The following JAKMIP2 variants were observed in gnomAD, a reference collection of about 807,000 sequenced individuals.
JAKMIP2 encodes the protein janus kinase and microtubule-interacting protein 2.
JAKMIP2 carries 25 observed loss-of-function variants against 115.0 expected under a neutral mutation model. The ratio of observed to expected loss-of-function variants is 0.22; its 90% confidence interval spans 0.16 to 0.30. JAKMIP2 has a LOEUF of 0.30. Ranked by LOEUF, JAKMIP2 falls within the 10% of genes least tolerant of loss-of-function variation. The pLI is 1.00. For missense variants in JAKMIP2, 642 were observed against 957.6 expected (o/e 0.67, Z 4.35); for synonymous variants, 334 against 343.6 (o/e 0.97, Z 0.31).
intron 1 of JAKMIP2, among the ~76,000 whole-genome samples, chr5:147,743,983 C>CCTCCCTTCT: frequency 6.9e-6 from 1 of 145,462 alleles, no homozygotes; most frequent in Admixed American, 6.9e-5. Context: ...CCCTCCCTTC[C>CCTCCCTTCT]TTCCTTCCTA....
At chr5:147,744,161 C>T (rs1411279554) in intron 1 of JAKMIP2, among the ~76,000 whole-genome samples, 2 of 151,978 alleles carry the variant, frequency 1.3e-5, no homozygotes, top group African/African-American at 4.8e-5. Flanking sequence ...GCAAATTGGC[C>T]TGTTTCCAAA....
At chr5:147,713,752 G>A (rs1752867113) in intron 1 of JAKMIP2, among the ~76,000 whole-genome samples, 1 of 152,164 alleles carries the variant, frequency 6.6e-6, no homozygotes, top group South Asian at 2.1e-4. Flanking sequence ...TGGCTAAGAG[G>A]CTGAACGGAG....
chr5:147,636,198 G>C (rs753384458), intron 12 of JAKMIP2, 24 bp downstream of exon 12: 5 of 1,598,480 alleles, frequency 3.1e-6, no homozygotes, highest in Middle Eastern at 1.7e-4. Context: ...CCTCTGCCCC[G>C]CTAGGGTGTT....
intron 9 of JAKMIP2, 137 bp from the exon 10 acceptor site, chr5:147,639,897 T>A: frequency 1.0e-6 from 1 of 967,294 alleles, no homozygotes; most frequent in South Asian, 1.7e-5. Flanking sequence ...TATTTTTAGC[T>A]CTGAAGTGTA....
intron 1 of JAKMIP2, among the ~76,000 whole-genome samples, chr5:147,714,165 G>T (rs779867240): frequency 6.6e-6 from 1 of 152,084 alleles, no homozygotes; most frequent in African/African-American, 2.4e-5. Context: ...AACACACAAA[G>T]ACTTCAAATA....
In JAKMIP2 at chr5:147,641,761, G is replaced by C; in HGVS notation, c.1228C>G (p.Arg410Gly). 1 of 1,612,214 alleles carries C rather than the reference G, an allele frequency of 6.2e-7. No individual in the cohort carries two copies. Among genetic ancestry groups the C allele is most frequent in the Non-Finnish European group, 8.5e-7 (1 of 1,178,666 alleles). ...TTTCTTCTACGGATGAGCTTTTCTC[G>C]GTCCTGGAAAACAGATGAAAGATTT... is the stretch of plus-strand genomic sequence containing the variant. ...QNIIDELTRDREKLIRRRKHR... is the reference protein window; with the variant it reads ...QNIIDELTRDGEKLIRRRKHR... The change falls in exon 8 of 22, where the codon CGA becomes GGA. Residue 410 changes from arginine (R) to glycine (G), a missense_variant. Physicochemically the swap from Arg to Gly is moderately radical, Grantham distance 125 (BLOSUM62 -2). Around this residue, in one of 6 missense-constraint regions of JAKMIP2, gnomAD observed 439 missense variants for 570.9 expected, o/e 0.77. Coordinates refer to ENST00000616793, the MANE Select transcript of JAKMIP2 (RefSeq NM_001270941.2).
intron 13 of JAKMIP2, 82 bp from the exon 14 acceptor site, chr5:147,631,593 T>C (rs1757352076): frequency 1.2e-6 from 1 of 819,700 alleles, no homozygotes; most frequent in Non-Finnish European, 1.9e-6. Context: ...CTTTATGCTA[T>C]TTCAGCAGTT....
intron 18 of JAKMIP2, among the ~76,000 whole-genome samples, chr5:147,618,748 CAACAAAAAACAAACA>C (rs1756708699): frequency 6.6e-6 from 1 of 151,954 alleles, no homozygotes; most frequent in African/African-American, 2.4e-5. Flanking sequence ...AAAACAACAG[CAACAAAAAACAAACA>C]AACAAAAAAC....
rs11167998 is a variant in JAKMIP2 at position 147,759,169 on chromosome 5, T to C, written c.-149+23287A>G. 8.0e-3 allele frequency among the ~76,000 whole-genome samples: 1,216 copies of C among 151,834 alleles called. 11 individuals carry two copies. The highest frequency in any genetic ancestry group is 0.027 in the African/African-American group (1,122 of 41,392). On this transcript the variant is annotated intron_variant, in intron 1 of 21. Transcript: ENST00000616793. Reference sequence around the variant, plus strand: ...ATACCAGAAGATGTTCTTATCAGTGTTATCTAATAATGAAAACAAAAGAAA... The same window carrying C: ...ATACCAGAAGATGTTCTTATCAGTGCTATCTAATAATGAAAACAAAAGAAA...
intron 1 of JAKMIP2, among the ~76,000 whole-genome samples, chr5:147,719,661 G>A (rs1753176758): frequency 6.6e-6 from 1 of 151,338 alleles, no homozygotes; most frequent in Non-Finnish European, 1.5e-5. Flanking sequence ...TCAGAGACTA[G>A]GATTGCAACC....
At chr5:147,676,089 T>C (rs1296797953) in intron 1 of JAKMIP2, among the ~76,000 whole-genome samples, 1 of 152,048 alleles carries the variant, frequency 6.6e-6, no homozygotes, top group Non-Finnish European at 1.5e-5. Context: ...ATCCCAGCAC[T>C]TTGGGAGGCC....
intron 1 of JAKMIP2, among the ~76,000 whole-genome samples, chr5:147,740,325 T>C (rs926320883): frequency 6.6e-6 from 1 of 152,222 alleles, no homozygotes; most frequent in African/African-American, 2.4e-5. Context: ...AATTGGGGAC[T>C]GATTGCCATT....
intron 1 of JAKMIP2, among the ~76,000 whole-genome samples, chr5:147,701,608 C>T (rs976092271): frequency 7.2e-5 from 11 of 152,160 alleles, no homozygotes; most frequent in African/African-American, 2.4e-4. Flanking sequence ...AGGTCACACA[C>T]CAGCATGAAG....
chr5:147,621,464 CTT>C (rs1756844067), intron 17 of JAKMIP2, among the ~76,000 whole-genome samples: 1 of 152,192 alleles, frequency 6.6e-6, no homozygotes, highest in African/African-American at 2.4e-5. Flanking sequence ...ATGGTGTTGA[CTT>C]TTGAGAGATC....
At chr5:147,634,685 A>G (rs1757525541) in intron 12 of JAKMIP2, among the ~76,000 whole-genome samples, 4 of 152,168 alleles carry the variant, frequency 2.6e-5, no homozygotes, top group Admixed American at 2.6e-4. Flanking sequence ...CGATTTTTGA[A>G]TACCTGCCCA....
intron 1 of JAKMIP2, among the ~76,000 whole-genome samples, chr5:147,721,429 C>A (rs542593313): frequency 7.9e-5 from 12 of 152,312 alleles, no homozygotes; most frequent in Middle Eastern, 3.4e-3. Flanking sequence ...TGGGCAATGG[C>A]GGGCGCCCCT....
chr5:147,775,248 G>A (rs1259723089), intron 1 of JAKMIP2, among the ~76,000 whole-genome samples: 1 of 152,092 alleles, frequency 6.6e-6, no homozygotes, highest in African/African-American at 2.4e-5. Context: ...CATGAAAGCA[G>A]GATGCTGCCT....
Position 147,639,659 on chromosome 5 carries a change from G to A in JAKMIP2, c.1503C>T (p.Gly501=). Residue 501 remains glycine, a synonymous_variant, in exon 10 of 22, where the codon GGC becomes GGT. Transcript: ENST00000616793. ...TGGCTTCTCGTTCAGCGTCGATGAT[G>A]CCTCCCGTCTGCTCCTGTAGGAGGG... The part of the protein sequence containing the change: ...AYALLQEQTG[G]IIDAEREAKA... 3 of 1,613,358 alleles carry A rather than the reference G, an allele frequency of 1.9e-6. No individual in the cohort carries two copies. Among genetic ancestry groups the A allele is most frequent in the Non-Finnish European group, 2.5e-6 (3 of 1,179,690 alleles).
intron 1 of JAKMIP2, among the ~76,000 whole-genome samples, chr5:147,675,247 G>GA (rs35246628): frequency 0.12 from 17,571 of 150,234 alleles, 1,106 homozygotes; most frequent in East Asian, 0.25. Flanking sequence ...AGGAAAAGGT[G>GA]AAAAAAAAAT....
Sources: allele counts gnomAD v4.1 joint callset (sites outside exome capture counted in the v4.1 genomes callset), GRCh38; gene constraint gnomAD v4.1.1; regional missense constraint gnomAD v4.1.1; transcripts MANE v1.5; gene names NCBI Gene and HGNC (gene_info 2026-07-23, HGNC 2026-07-21).